The following CSTF3 variants were observed in gnomAD, a reference collection of about 807,000 sequenced individuals.
CSTF3 encodes the protein CF-1 77 kDa subunit.
In CSTF3, 29 loss-of-function variants were observed where a neutral mutation model predicts 105.8. The observed-to-expected ratio is 0.27, with a 90% CI of 0.20 to 0.37. The LOEUF (loss-of-function observed/expected upper bound fraction) is 0.37. Ranked by LOEUF, CSTF3 falls within the 10% of genes least tolerant of loss-of-function variation. CSTF3 has a pLI of 1.00. For synonymous variants in CSTF3, 252 were observed against 281.9 expected, an observed-to-expected ratio of 0.89 and a Z score of 1.06; for missense variants, 357 against 879.3, an observed-to-expected ratio of 0.41 and a Z score of 7.51.
chr11:33,130,245 G>A (rs563767817), intron 3 of CSTF3, among the ~76,000 whole-genome samples: 36 of 152,302 alleles, frequency 2.4e-4, no homozygotes, highest in Admixed American at 1.6e-3. Flanking sequence ...GGCCTAGGCG[G>A]GTGGATCACC....
At chr11:33,143,258 T>C (rs1173303486) in intron 1 of CSTF3, among the ~76,000 whole-genome samples, 1 of 152,216 alleles carries the variant, frequency 6.6e-6, no homozygotes, top group Non-Finnish European at 1.5e-5. Context: ...GCTGATTTTT[T>C]TTCCCCTTTT....
At chr11:33,120,195 G>A (rs930299986) in intron 3 of CSTF3, among the ~76,000 whole-genome samples, 2 of 151,588 alleles carry the variant, frequency 1.3e-5, no homozygotes, top group African/African-American at 4.8e-5. Context: ...TAAACAGCAT[G>A]TATCTAGGAT....
At chr11:33,152,582 C>T (rs1849802177) in intron 1 of CSTF3, among the ~76,000 whole-genome samples, 1 of 152,206 alleles carries the variant, frequency 6.6e-6, no homozygotes, top group South Asian at 2.1e-4. Flanking sequence ...AGAAATAGAA[C>T]TTACAATCTT....
chr11:33,141,317 C>T (rs977597614), intron 3 of CSTF3: 7 of 345,262 alleles, frequency 2.0e-5, no homozygotes, highest in Non-Finnish European at 3.1e-5. Flanking sequence ...TTCATATACT[C>T]CCATTCATAT....
At chr11:33,090,854 G>T in intron 16 of CSTF3, 127 bp from the exon 17 acceptor site, 2 of 541,028 alleles carry the variant, frequency 3.7e-6, no homozygotes, top group South Asian at 4.0e-5. Flanking sequence ...TTATTATAAA[G>T]ATTTTTAGAC....
chr11:33,149,286 C>T (rs574585176), intron 1 of CSTF3, among the ~76,000 whole-genome samples: 2 of 152,264 alleles, frequency 1.3e-5, no homozygotes, highest in South Asian at 2.1e-4. Flanking sequence ...GTCAAATGTT[C>T]GTAACACAAT....
At chr11:33,088,480 A>G (rs555291126) in intron 17 of CSTF3, among the ~76,000 whole-genome samples, 2 of 152,170 alleles carry the variant, frequency 1.3e-5, no homozygotes, top group Non-Finnish European at 2.9e-5. Flanking sequence ...GGGTTTCACC[A>G]TGTTGGCCAG....
At chr11:33,105,426 G>C in intron 8 of CSTF3, 141 bp downstream of exon 8, 2 of 763,290 alleles carry the variant, frequency 2.6e-6, no homozygotes, top group Non-Finnish European at 4.1e-6. Flanking sequence ...CTCAAACCTT[G>C]CAAAAACATT....
chr11:33,130,279 C>A (rs1855585275), intron 3 of CSTF3, among the ~76,000 whole-genome samples: 2 of 152,108 alleles, frequency 1.3e-5, no homozygotes. Flanking sequence ...TCGAGACCAG[C>A]CTGGCCAACG....
intron 3 of CSTF3, chr11:33,141,361 T>C (rs1301807570): frequency 2.3e-6 from 2 of 857,118 alleles, no homozygotes; most frequent in Non-Finnish European, 3.0e-6. Flanking sequence ...GAAAAATGAG[T>C]TCTAAATAAA....
intron 3 of CSTF3, among the ~76,000 whole-genome samples, chr11:33,123,032 ATTCC>A (rs1855508692): frequency 6.6e-6 from 1 of 152,022 alleles, no homozygotes; most frequent in Non-Finnish European, 1.5e-5. Flanking sequence ...CATATTTATC[ATTCC>A]TTCCATTTCT....
intron 17 of CSTF3, among the ~76,000 whole-genome samples, chr11:33,089,291 G>A (rs1223170360): frequency 7.4e-5 from 11 of 148,964 alleles, no homozygotes. Flanking sequence ...AGGCTGCAGT[G>A]AGCCATGATC....
intron 3 of CSTF3, among the ~76,000 whole-genome samples, chr11:33,109,921 A>G (rs1421002835): frequency 6.6e-6 from 1 of 152,178 alleles, no homozygotes; most frequent in Non-Finnish European, 1.5e-5. Flanking sequence ...TTTGTCCAGT[A>G]GATTCCCCAG....
At chr11:33,161,075 T>G (rs910653628) in intron 1 of CSTF3, among the ~76,000 whole-genome samples, 1 of 152,164 alleles carries the variant, frequency 6.6e-6, no homozygotes, top group Non-Finnish European at 1.5e-5. Flanking sequence ...CCTACCGCTA[T>G]TGTCTAAATC....
chr11:33,132,770 A>G (rs2133793526), intron 3 of CSTF3, among the ~76,000 whole-genome samples: 1 of 152,340 alleles, frequency 6.6e-6, no homozygotes, highest in East Asian at 1.9e-4. Context: ...TAAATAATGT[A>G]GCATTTGCAA....
chr11:33,128,856 T>G (rs1855570773), intron 3 of CSTF3, among the ~76,000 whole-genome samples: 1 of 152,190 alleles, frequency 6.6e-6, no homozygotes, highest in African/African-American at 2.4e-5. Context: ...TCTCTTTCCT[T>G]TAAGGCCTCT....
At chr11:33,134,241 A>G (rs1176452617) in intron 3 of CSTF3, among the ~76,000 whole-genome samples, 73 of 152,354 alleles carry the variant, frequency 4.8e-4, no homozygotes, top group Non-Finnish European at 2.5e-4. Flanking sequence ...AATAACTGTC[A>G]GTTTGTAAAC....
intron 15 of CSTF3, 109 bp from the exon 16 acceptor site, chr11:33,092,449 T>G: frequency 1.6e-6 from 1 of 621,956 alleles, no homozygotes; most frequent in Non-Finnish European, 2.6e-6. Context: ...TGCAGAAAGG[T>G]TTAACTATTA....
At chr11:33,105,818 G>A in intron 7 of CSTF3, 65 bp downstream of exon 7, 1 of 1,513,814 alleles carries the variant, frequency 6.6e-7, no homozygotes, top group Admixed American at 2.1e-5. Context: ...ATTTCTCAAA[G>A]AACTAAAAAT....
Sources: gnomAD v4.1 joint callset for allele counts (sites outside exome capture counted in the v4.1 genomes callset) on GRCh38, gnomAD v4.1.1 for gene constraint, MANE v1.5 for transcripts, NCBI Gene and HGNC (gene_info 2026-07-23, HGNC 2026-07-21) for gene names.